Variants in HTR2C observed in about 807,000 individuals in gnomAD.
HTR2C encodes the protein 5-hydroxytryptamine receptor 2C.
HTR2C carries 5 observed loss-of-function variants against 21.0 expected under a neutral mutation model. That is an observed-to-expected ratio of 0.24 (90% CI 0.12 to 0.50). The LOEUF is 0.50. HTR2C is among the 20% of genes least tolerant of loss of function. The pLI is 0.98. For missense variants in HTR2C, 271 were observed against 371.2 expected, an observed-to-expected ratio of 0.73 and a Z score of 2.22; for synonymous variants, 150 against 145.3, an observed-to-expected ratio of 1.03 and a Z score of -0.23.
chrX:114,655,516 T>G (rs888806357), intron 2 of HTR2C, among the ~76,000 whole-genome samples: 1 of 112,322 alleles, frequency 8.9e-6, no homozygotes, highest in Admixed American at 9.5e-5. Context: ...AATTACTTTT[T>G]GTTGTTCCTC....
chrX:114,747,274 C>T (rs1457378869), intron 4 of HTR2C, among the ~76,000 whole-genome samples: 3 of 112,300 alleles, frequency 2.7e-5, no homozygotes, highest in Non-Finnish European at 3.8e-5. Flanking sequence ...CTTAAGCAGA[C>T]GTTGTACTTT....
chrX:114,650,318 C>CAGGA (rs1176852568), intron 2 of HTR2C, among the ~76,000 whole-genome samples: 6 of 111,697 alleles, frequency 5.4e-5, no homozygotes, highest in Non-Finnish European at 9.4e-5. Context: ...GATTTTAACA[C>CAGGA]ATCATTCCAT....
At chrX:114,806,271 CATAT>C (rs1435282232) in intron 4 of HTR2C, among the ~76,000 whole-genome samples, 2 of 95,530 alleles carry the variant, frequency 2.1e-5, no homozygotes, top group African/African-American at 7.6e-5. Context: ...ATATATACAC[CATAT>C]ATATACACAC....
At chrX:114,760,380 A>G (rs1042671262) in intron 4 of HTR2C, among the ~76,000 whole-genome samples, 5 of 111,907 alleles carry the variant, frequency 4.5e-5, no homozygotes, top group Non-Finnish European at 9.4e-5. Flanking sequence ...ATTAATTTTT[A>G]CAAGTACACG....
chrX:114,700,180 A>G lies in HTR2C; in HGVS notation c.-79-26678A>G, dbSNP rs373449044. On this transcript the variant is annotated intron_variant, in intron 2 of 5. Transcript: ENST00000276198. ...TGATGCCTAACTGTAAATAGGGCTC[A>G]CATACCACTCAAAATCATTATGAAT... Among the ~76,000 whole-genome samples the G allele has an allele frequency of 5.4e-5, 6 of 111,858 alleles. No individual in the cohort carries two copies. The South Asian group carries it at 1.1e-3, about 21-fold the overall frequency.
intron 3 of HTR2C, among the ~76,000 whole-genome samples, chrX:114,729,559 AATCACAGAT>A (rs2069516009): frequency 8.9e-6 from 1 of 111,911 alleles, no homozygotes; most frequent in South Asian, 3.7e-4. Context: ...TACTCATATT[AATCACAGAT>A]TAATTATGAC....
intron 5 of HTR2C, among the ~76,000 whole-genome samples, chrX:114,858,153 GTTC>G (rs1260023415): frequency 1.8e-5 from 2 of 110,656 alleles, no homozygotes; most frequent in South Asian, 3.7e-4. Flanking sequence ...TGTCAGCTGT[GTTC>G]TTCTTCAAAA....
intron 4 of HTR2C, among the ~76,000 whole-genome samples, chrX:114,842,643 CTAT>C (rs1341463855): frequency 8.9e-6 from 1 of 111,897 alleles, no homozygotes; most frequent in Non-Finnish European, 1.9e-5. Flanking sequence ...TGGAAAGACA[CTAT>C]TCTTCCACCT....
intron 2 of HTR2C, among the ~76,000 whole-genome samples, chrX:114,642,912 C>T: frequency 9.0e-6 from 1 of 111,105 alleles, no homozygotes; most frequent in Admixed American, 9.6e-5. Context: ...AGCTTTAGCC[C>T]CCAATGATTT....
intron 4 of HTR2C, among the ~76,000 whole-genome samples, chrX:114,737,463 G>T (rs782130433): frequency 1.8e-5 from 2 of 110,435 alleles, no homozygotes; most frequent in South Asian, 3.8e-4. Flanking sequence ...CAAGTGATCC[G>T]CCCGCCTCAG....
At chrX:114,666,440 T>C (rs1556410893) in intron 2 of HTR2C, among the ~76,000 whole-genome samples, 1 of 68,784 alleles carries the variant, frequency 1.5e-5, no homozygotes, top group African/African-American at 4.8e-5. Context: ...ACAACCTTTC[T>C]TTCTAAAACT....
At chrX:114,658,970 G>C (rs1255668010) in intron 2 of HTR2C, among the ~76,000 whole-genome samples, 2 of 111,703 alleles carry the variant, frequency 1.8e-5, no homozygotes, top group Non-Finnish European at 3.8e-5. Flanking sequence ...CCAAGACTGG[G>C]TAATTTATAA....
chrX:114,703,275 C>G (rs1402684015), intron 2 of HTR2C, among the ~76,000 whole-genome samples: 4 of 107,310 alleles, frequency 3.7e-5, no homozygotes, highest in Non-Finnish European at 5.8e-5. Flanking sequence ...CAGCACCACA[C>G]CACACCTATT....
At chrX:114,747,932 G>T (rs149589948) in intron 4 of HTR2C, among the ~76,000 whole-genome samples, 1,708 of 112,346 alleles carry the variant, frequency 0.015, 33 homozygotes, top group African/African-American at 0.052. Flanking sequence ...ACATGCTGAA[G>T]AAGAGGATAT....
chrX:114,688,954 C>T (rs151070782), intron 2 of HTR2C, among the ~76,000 whole-genome samples: 1,354 of 109,352 alleles, frequency 0.012, 29 homozygotes, highest in African/African-American at 0.043. Flanking sequence ...GTATGTTGCA[C>T]TCAATGTGTA....
intron 4 of HTR2C, among the ~76,000 whole-genome samples, chrX:114,806,893 C>T (rs931179940): frequency 1.0e-3 from 96 of 96,311 alleles, no homozygotes; most frequent in Non-Finnish European, 1.8e-3. Flanking sequence ...ATATATATAC[C>T]ATATATACAC....
intron 1 of HTR2C, among the ~76,000 whole-genome samples, chrX:114,599,832 C>T (rs1556393857): frequency 8.9e-6 from 1 of 112,161 alleles, no homozygotes; most frequent in African/African-American, 3.2e-5. Context: ...AAGGAAAGTA[C>T]ATAGCCCACA....
chrX:114,726,489 G>A (rs782207740), intron 2 of HTR2C, among the ~76,000 whole-genome samples: 3 of 112,604 alleles, frequency 2.7e-5, no homozygotes, highest in East Asian at 2.8e-4. Flanking sequence ...CGTCGCTCAC[G>A]CTGGGAGCTG....
At chrX:114,715,308 T>C (rs782189996) in intron 2 of HTR2C, 3 of 386,037 alleles carry the variant, frequency 7.8e-6, no homozygotes, top group South Asian at 4.7e-5. Flanking sequence ...TAAATACATC[T>C]GGGCAACTGA....
Sources: gnomAD v4.1 joint callset for allele counts (sites outside exome capture counted in the v4.1 genomes callset) on GRCh38, gnomAD v4.1.1 for gene constraint, MANE v1.5 for transcripts, NCBI Gene and HGNC (gene_info 2026-07-23, HGNC 2026-07-21) for gene names.